NOL10: variants seen among roughly 807,000 people sequenced by gnomAD.
The protein encoded by NOL10 is nucleolar protein 10, also known as H_NH0074G24.1.
In NOL10, 58 loss-of-function variants were observed where a neutral mutation model predicts 103.5. The ratio of observed to expected loss-of-function variants is 0.56; its 90% CI spans 0.45 to 0.70. The LOEUF is 0.70. NOL10 is among the 30% of genes least tolerant of loss of function. The pLI is 0.00. For synonymous variants in NOL10, 287 were observed against 282.5 expected (o/e 1.02, Z -0.16); for missense variants, 763 against 807.3 (o/e 0.95, Z 0.67).
At chr2:10,668,103 A>C (rs1339066209) in intron 7 of NOL10, among the ~76,000 whole-genome samples, 1 of 152,218 alleles carries the variant, frequency 6.6e-6, no homozygotes, top group East Asian at 1.9e-4. Flanking sequence ...TCTAAGTTTA[A>C]AATGAGATAA....
At chr2:10,601,035 T>C in intron 16 of NOL10, 93 bp from the exon 17 acceptor site, 1 of 720,344 alleles carries the variant, frequency 1.4e-6, no homozygotes, top group Non-Finnish European at 2.3e-6. Context: ...GTAAGTATAA[T>C]TTCATAAATA....
chr2:10,579,990 A>C (rs2148145152), intron 19 of NOL10, among the ~76,000 whole-genome samples: 1 of 152,300 alleles, frequency 6.6e-6, no homozygotes, highest in African/African-American at 2.4e-5. Context: ...CACTTGTAAA[A>C]ACTTGTTCTG....
intron 13 of NOL10, among the ~76,000 whole-genome samples, chr2:10,616,104 T>G (rs745543161): frequency 1.1e-4 from 16 of 152,188 alleles, no homozygotes; most frequent in Non-Finnish European, 2.1e-4. Flanking sequence ...GGGGGATTCT[T>G]CTCTGGAGTA....
chr2:10,680,201 C>A (rs148418045), intron 3 of NOL10, among the ~76,000 whole-genome samples: 3 of 151,714 alleles, frequency 2.0e-5, no homozygotes, highest in Admixed American at 6.6e-5. Flanking sequence ...CGCTTGAACC[C>A]GGAAGGCGGA....
At chr2:10,577,159 T>C (rs886460191) in intron 20 of NOL10, among the ~76,000 whole-genome samples, 1 of 152,192 alleles carries the variant, frequency 6.6e-6, no homozygotes, top group Non-Finnish European at 1.5e-5. Context: ...TCTAAAATGA[T>C]AGTATCTGGG....
intron 13 of NOL10, among the ~76,000 whole-genome samples, chr2:10,614,371 G>C (rs966320923): frequency 6.6e-6 from 1 of 152,154 alleles, no homozygotes; most frequent in African/African-American, 2.4e-5. Context: ...GAGTGCAGTG[G>C]TATGACCATA....
chr2:10,638,944 A>G (rs1052745832), intron 13 of NOL10, among the ~76,000 whole-genome samples: 1 of 151,576 alleles, frequency 6.6e-6, no homozygotes, highest in Admixed American at 6.6e-5. Flanking sequence ...TTGGGACTAC[A>G]GGCACACACC....
chr2:10,634,354 A>G (rs867425978), intron 13 of NOL10, among the ~76,000 whole-genome samples: 3 of 152,332 alleles, frequency 2.0e-5, no homozygotes, highest in African/African-American at 7.2e-5. Flanking sequence ...GGAAACAAGG[A>G]TGGCTCCTGC....
chr2:10,649,590 G>A (rs1038199704), intron 12 of NOL10, among the ~76,000 whole-genome samples: 6 of 152,070 alleles, frequency 3.9e-5, no homozygotes, highest in African/African-American at 1.4e-4. Flanking sequence ...AAAGTACTAG[G>A]ACTACAGGCA....
chr2:10,659,649 C>T (rs1680065920), intron 9 of NOL10, among the ~76,000 whole-genome samples: 1 of 152,114 alleles, frequency 6.6e-6, no homozygotes, highest in African/African-American at 2.4e-5. Flanking sequence ...TTCCACTGCG[C>T]TGCAGTGGAG....
intron 17 of NOL10, among the ~76,000 whole-genome samples, chr2:10,599,265 T>C (rs75936619): frequency 6.6e-6 from 1 of 152,362 alleles, no homozygotes; most frequent in East Asian, 1.9e-4. Flanking sequence ...ACAGTCTAAG[T>C]TAGCTCTACT....
At chr2:10,607,631 A>AAATAC in intron 13 of NOL10, among the ~76,000 whole-genome samples, 1 of 152,162 alleles carries the variant, frequency 6.6e-6, no homozygotes, top group East Asian at 1.9e-4. Context: ...CCATTCATGT[A>AAATAC]TCACCTCCTT....
At chr2:10,663,705 T>G (rs1680370330) in intron 8 of NOL10, among the ~76,000 whole-genome samples, 1 of 152,000 alleles carries the variant, frequency 6.6e-6, no homozygotes, top group Non-Finnish European at 1.5e-5. Flanking sequence ...ATCCCAGCAC[T>G]TTGGGAGGCC....
chr2:10,575,628 T>C (rs888404031), intron 20 of NOL10, among the ~76,000 whole-genome samples: 1 of 152,320 alleles, frequency 6.6e-6, no homozygotes, highest in South Asian at 2.1e-4. Flanking sequence ...AATTTTAAAC[T>C]GATCTTCAAC....
At chr2:10,689,079 G>A (rs1184492491) in intron 1 of NOL10, among the ~76,000 whole-genome samples, 1 of 152,204 alleles carries the variant, frequency 6.6e-6, no homozygotes, top group Non-Finnish European at 1.5e-5. Context: ...CAGTGGTAGT[G>A]CTTGGACAGA....
chr2:10,607,271 T>C lies in NOL10; in HGVS notation c.1067A>G (p.Asn356Ser), dbSNP rs756292156. Reference protein sequence around the residue: ...PAPRWCSFLDNLTEELEENPE... With the variant: ...PAPRWCSFLDSLTEELEENPE... The stretch of plus-strand genomic sequence containing the variant: ...ATTCTCTTCTAATTCTTCGGTCAAG[T>C]TGTCTAAGAAGGAACACCACCGAGG... Residue 356 changes from asparagine to serine, a missense_variant, in exon 14 of 21, where the codon AAC becomes AGC. Asn to Ser is a conservative substitution (Grantham distance 46, BLOSUM62 1). Coordinates refer to ENST00000381685, the MANE Select transcript of NOL10 (RefSeq NM_024894.4). 1.2e-6 allele frequency: 2 copies of C among 1,609,826 alleles called. No homozygotes were observed. The highest frequency in any genetic ancestry group is 2.2e-5 in the East Asian group (1 of 44,740).
At chr2:10,686,289 G>A (rs566751589) in intron 1 of NOL10, among the ~76,000 whole-genome samples, 1 of 152,180 alleles carries the variant, frequency 6.6e-6, no homozygotes, top group Non-Finnish European at 1.5e-5. Context: ...AGGAGGCAAA[G>A]CCTGGAGAAC....
At chr2:10,678,006 C>T (rs534874347) in intron 3 of NOL10, among the ~76,000 whole-genome samples, 1 of 151,882 alleles carries the variant, frequency 6.6e-6, no homozygotes, top group South Asian at 2.1e-4. Flanking sequence ...ATACATAAAA[C>T]TTTTAATATA....
At position 10,684,571 on chromosome 2, in the gene NOL10, A is replaced by C; in HGVS notation, c.108T>G (p.Asp36Glu). Residue 36 changes from aspartate to glutamate, a missense_variant, in exon 2 of 21, where the codon GAT becomes GAG. Physicochemically the swap from Asp to Glu is conservative, Grantham distance 45. Transcript: ENST00000381685. ...GTGGGAAAAAACAATACTCACCTACATCTTTCTTCTGTAGCGCTCTCTTCT... is the reference window on the plus strand; with the variant it reads ...GTGGGAAAAAACAATACTCACCTACCTCTTTCTTCTGTAGCGCTCTCTTCT... ...DRKKRALQKK[D>E]VDVRRRIELI... 1 of 1,575,462 alleles carries C rather than the reference A, an allele frequency of 6.3e-7. No homozygotes were observed. Among genetic ancestry groups the C allele is most frequent in the Non-Finnish European group, 8.6e-7 (1 of 1,158,692 alleles).
Sources: gnomAD v4.1 joint callset for allele counts (sites outside exome capture counted in the v4.1 genomes callset) on GRCh38, gnomAD v4.1.1 for gene constraint, MANE v1.5 for transcripts, NCBI Gene and HGNC (gene_info 2026-07-23, HGNC 2026-07-21) for gene names.